ITIH5: variants seen among roughly 807,000 people sequenced by gnomAD.
The protein encoded by ITIH5 is inter-alpha-trypsin inhibitor heavy chain H5.
ITIH5 carries 65 observed loss-of-function variants against 77.5 expected under a neutral mutation model. The ratio of observed to expected loss-of-function variants is 0.84; its 90% CI spans 0.69 to 1.03. ITIH5 has a LOEUF of 1.03. Ranked by LOEUF, ITIH5 falls within the 50% of genes least tolerant of loss-of-function variation. ITIH5 has a pLI of 0.00. For missense variants in ITIH5, 1,208 were observed against 1,213.1 expected (o/e 1.00, Z 0.06); for synonymous variants, 525 against 494.3 (o/e 1.06, Z -0.82).
At chr10:7,627,330 TAAAAAAAA>T (rs55799504) in intron 5 of ITIH5, among the ~76,000 whole-genome samples, 15,049 of 132,194 alleles carry the variant, frequency 0.11, 1,031 homozygotes, top group South Asian at 0.16. Flanking sequence ...GAAGATAAAG[TAAAAAAAA>T]AAAAAAAAAA....
intron 2 of ITIH5, among the ~76,000 whole-genome samples, chr10:7,653,701 T>C (rs1834136641): frequency 6.6e-6 from 1 of 152,186 alleles, no homozygotes; most frequent in Admixed American, 6.5e-5. Context: ...TACATATAAC[T>C]GAGAGGCCCA....
chr10:7,654,870 A>C (rs1018269626), intron 2 of ITIH5, among the ~76,000 whole-genome samples: 11 of 152,228 alleles, frequency 7.2e-5, no homozygotes, highest in Admixed American at 2.6e-4. Flanking sequence ...AAAACATGAA[A>C]GAAGGAATAC....
At chr10:7,574,750 A>T (rs1040688443) in intron 10 of ITIH5, among the ~76,000 whole-genome samples, 1 of 144,710 alleles carries the variant, frequency 6.9e-6, no homozygotes, top group African/African-American at 2.6e-5. Context: ...CCGAGATAGC[A>T]CCACTGCACT....
chr10:7,641,264 A>C (rs925745602), intron 3 of ITIH5, among the ~76,000 whole-genome samples: 1 of 152,170 alleles, frequency 6.6e-6, no homozygotes, highest in African/African-American at 2.4e-5. Context: ...CTTGTCTTTC[A>C]ACCCTCAACT....
chr10:7,571,993 C>G (rs1206653139), intron 11 of ITIH5: 3 of 1,004,908 alleles, frequency 3.0e-6, no homozygotes, highest in Admixed American at 1.1e-4. Context: ...CATTTCTACT[C>G]AAATTGTCCA....
intron 10 of ITIH5, 110 bp from the exon 11 acceptor site, chr10:7,573,305 G>T: frequency 3.6e-6 from 3 of 833,340 alleles, no homozygotes; most frequent in Non-Finnish European, 5.9e-6. Context: ...AGGTACGTTT[G>T]TAACAGCTTA....
At chr10:7,586,493 G>T (rs773361816) in intron 7 of ITIH5, among the ~76,000 whole-genome samples, 1 of 152,034 alleles carries the variant, frequency 6.6e-6, no homozygotes, top group African/African-American at 2.4e-5. Flanking sequence ...CCTCCCTTAG[G>T]CTGGCAAAGC....
intron 1 of ITIH5, among the ~76,000 whole-genome samples, chr10:7,659,257 T>A (rs113342855): frequency 6.6e-6 from 1 of 151,842 alleles, no homozygotes; most frequent in Non-Finnish European, 1.5e-5. Context: ...CACACACCTA[T>A]ATTCCCAGCT....
chr10:7,656,367 G>A (rs759717505), intron 1 of ITIH5, among the ~76,000 whole-genome samples: 5 of 152,196 alleles, frequency 3.3e-5, no homozygotes, highest in Middle Eastern at 3.4e-3. Context: ...GGCATGAGCC[G>A]CCAGATCGGG....
At chr10:7,646,704 C>G (rs755447827) in intron 2 of ITIH5, among the ~76,000 whole-genome samples, 1 of 151,936 alleles carries the variant, frequency 6.6e-6, no homozygotes. Context: ...CTCATGTTGT[C>G]CCTCAATCCC....
At chr10:7,644,329 C>T (rs1203618324) in intron 2 of ITIH5, among the ~76,000 whole-genome samples, 1 of 147,292 alleles carries the variant, frequency 6.8e-6, no homozygotes, top group African/African-American at 2.5e-5. Flanking sequence ...ATACATATCA[C>T]ATATATATCA....
intron 1 of ITIH5, 72 bp downstream of exon 1, chr10:7,666,731 G>T: frequency 1.6e-6 from 2 of 1,278,176 alleles, no homozygotes; most frequent in Non-Finnish European, 1.1e-6. Flanking sequence ...CCGGGCAGAA[G>T]CTCCGCGGCC....
rs2130931836 is a variant in ITIH5, at chr10:7,562,717, G to A, written c.*366C>T. On this transcript the variant is annotated 3_prime_UTR_variant, in exon 14 of 14. Coordinates refer to ENST00000397146, the MANE Select transcript of ITIH5 (RefSeq NM_030569.7). The stretch of plus-strand genomic sequence containing the variant: ...TTCCACCAAGAAAAAAAGTTTCATA[G>A]CAACCTTCCTTCACCAGAAAGGCTT... 9.7e-6 allele frequency: 2 copies of A among 207,230 alleles called. No homozygotes were observed. Among genetic ancestry groups the A allele is most frequent in the African/African-American group, 2.3e-5 (1 of 44,146 alleles). The allele number at this position is 207,230 out of a possible 1,614,324, so 12.8% of individuals were successfully genotyped here. A position where few individuals can be genotyped will look rare whatever the true frequency, so the allele number is the denominator to read the frequency against.
intron 1 of ITIH5, among the ~76,000 whole-genome samples, chr10:7,664,269 G>A (rs1343350792): frequency 1.3e-5 from 2 of 151,842 alleles, no homozygotes; most frequent in East Asian, 1.9e-4. Flanking sequence ...GCATGGTGGA[G>A]TGCACCTGTA....
intron 5 of ITIH5, among the ~76,000 whole-genome samples, chr10:7,623,632 T>C (rs1166963930): frequency 6.6e-6 from 1 of 151,366 alleles, no homozygotes; most frequent in Non-Finnish European, 1.5e-5. Context: ...TGAAACCCCG[T>C]CTCTACTAAA....
chr10:7,652,160 G>A (rs983427010), intron 2 of ITIH5, among the ~76,000 whole-genome samples: 2 of 152,202 alleles, frequency 1.3e-5, no homozygotes, highest in Admixed American at 6.5e-5. Flanking sequence ...TTGTGTGTAT[G>A]TATGCCAGGG....
intron 7 of ITIH5, among the ~76,000 whole-genome samples, chr10:7,610,647 C>T (rs1833226462): frequency 6.6e-6 from 1 of 152,218 alleles, no homozygotes. Flanking sequence ...TTGTCCTCTT[C>T]ACCAATAGAC....
In ITIH5 at chr10:7,576,502, C is replaced by T. The variant is rs1205078808; in HGVS notation, c.1929G>A (p.Met643Ile). The change falls in exon 10 of 14, where the codon ATG becomes ATA. Residue 643 changes from methionine (M) to isoleucine (I), a missense_variant. Transcript: ENST00000397146. ...LEEAHGMSAA[M>I]GPEPVVQSVR... ...CGCTCTGCACCACCGGTTCGGGTCC[C>T]ATGGCAGCCGACATGCCGTGGGCCT... The T allele has an allele frequency of 6.2e-7, 1 of 1,610,248 alleles. No homozygotes were observed. Among genetic ancestry groups the T allele is most frequent in the African/African-American group, 1.3e-5 (1 of 74,938 alleles).
At chr10:7,581,130 C>T (rs911959389) in intron 8 of ITIH5, among the ~76,000 whole-genome samples, 4 of 152,248 alleles carry the variant, frequency 2.6e-5, no homozygotes, top group African/African-American at 4.8e-5. Context: ...CATGGTGGTA[C>T]ATGCCTGTAA....
Sources: allele counts gnomAD v4.1 joint callset (sites outside exome capture counted in the v4.1 genomes callset), GRCh38; gene constraint gnomAD v4.1.1; transcripts MANE v1.5; gene names NCBI Gene and HGNC (gene_info 2026-07-23, HGNC 2026-07-21).